Variants in GNAQ observed in about 807,000 individuals in gnomAD.
The protein encoded by GNAQ is G protein subunit alpha q, also known as guanine nucleotide-binding protein G(q) subunit alpha.
Under a neutral mutation model 43.9 loss-of-function variants are expected in GNAQ, and 8 were observed. That is an observed-to-expected ratio of 0.18 (90% CI 0.11 to 0.33). The LOEUF is 0.33. Among genes scored for constraint, GNAQ ranks in the 10% least tolerant of loss-of-function variants. The pLI is 1.00. For synonymous variants in GNAQ, 155 were observed against 170.7 expected (o/e 0.91, Z 0.71); for missense variants, 158 against 450.8 (o/e 0.35, Z 5.88).
At chr9:77,941,660 G>A (rs139555703) in intron 1 of GNAQ, among the ~76,000 whole-genome samples, 1 of 152,264 alleles carries the variant, frequency 6.6e-6, no homozygotes, top group African/African-American at 2.4e-5. Flanking sequence ...GCTATTGGAT[G>A]TGTATTCACA....
Position 77,718,692 on chromosome 9 carries a change from A to G in GNAQ, c.*2631T>C, listed in dbSNP as rs1210315994. 1 of 221,700 alleles carries G rather than the reference A, an allele frequency of 4.5e-6. No individual in the cohort carries two copies. The highest frequency in any genetic ancestry group is 8.7e-6 in the Non-Finnish European group (1 of 114,688). 13.7% of individuals were successfully genotyped at this position (221,700 alleles called of 1,614,324 possible). ...ATGATCTTGTGATGAGGTTTTCTCTATACACACTGTAGGCCTTCAAATGTT... is the reference window on the plus strand; with the variant it reads ...ATGATCTTGTGATGAGGTTTTCTCTGTACACACTGTAGGCCTTCAAATGTT... On this transcript the variant is annotated 3_prime_UTR_variant, in exon 7 of 7. Coordinates refer to ENST00000286548, the MANE Select transcript of GNAQ (RefSeq NM_002072.5).
intron 1 of GNAQ, among the ~76,000 whole-genome samples, chr9:78,015,399 G>A (rs1332901596): frequency 2.6e-5 from 4 of 152,122 alleles, no homozygotes; most frequent in African/African-American, 4.8e-5. Flanking sequence ...ACACATAACT[G>A]TACTTACATA....
At chr9:77,803,963 C>T (rs993137467) in intron 3 of GNAQ, among the ~76,000 whole-genome samples, 7 of 152,158 alleles carry the variant, frequency 4.6e-5, no homozygotes, top group Admixed American at 2.0e-4. Context: ...AGGACATAAT[C>T]CACTACTTTA....
rs1426581898 is a variant in GNAQ at position 77,716,690 on chromosome 9, TAA to T, written c.*4631_*4632del. ...TTTTTCTGTCTACCAAAAGCTTATATAAAAGTCAGAATTTCTTTATCCAAGAT... is the reference window on the plus strand; with the variant it reads ...TTTTTCTGTCTACCAAAAGCTTATATAAGTCAGAATTTCTTTATCCAAGAT... On this transcript the variant is annotated 3_prime_UTR_variant, in exon 7 of 7. Transcript: ENST00000286548. The T allele has an allele frequency of 4.3e-6, 1 of 232,858 alleles. No homozygotes were observed. Among genetic ancestry groups the T allele is most frequent in the Non-Finnish European group, 8.5e-6 (1 of 117,908 alleles). 14.4% of individuals were successfully genotyped at this position (232,858 alleles called of 1,614,324 possible).
rs189872601 is a variant in GNAQ at position 77,900,394 on chromosome 9, C to T, written c.321+21767G>A. On this transcript the variant is annotated intron_variant, in intron 2 of 6. Coordinates refer to ENST00000286548, the MANE Select transcript of GNAQ (RefSeq NM_002072.5). ...AGCTCATCTGGAGATTTTAATTATT[C>T]ATGTTATCAATGTTCTCCATTTTCA... Among the ~76,000 whole-genome samples, 4 of 152,280 alleles carry T rather than the reference C, an allele frequency of 2.6e-5. No individual in the cohort carries two copies. In the East Asian group the frequency reaches 5.8e-4, roughly 22 times the overall value.
intron 2 of GNAQ, among the ~76,000 whole-genome samples, chr9:77,914,097 T>A (rs74572562): frequency 0.01 from 1,563 of 152,238 alleles, 9 homozygotes; most frequent in Non-Finnish European, 0.015. Flanking sequence ...CTGCTATTTT[T>A]ACATGGCCGT....
intron 5 of GNAQ, among the ~76,000 whole-genome samples, chr9:77,774,057 T>G (rs1355022979): frequency 6.6e-6 from 1 of 152,156 alleles, no homozygotes; most frequent in Non-Finnish European, 1.5e-5. Context: ...CTGGTTAAAT[T>G]TGGCCACCAA....
At chr9:77,821,963 G>A (rs982143260) in intron 2 of GNAQ, among the ~76,000 whole-genome samples, 2 of 152,078 alleles carry the variant, frequency 1.3e-5, no homozygotes, top group Non-Finnish European at 2.9e-5. Flanking sequence ...TTAAGTTAAT[G>A]GAAAACTAAG....
At chr9:77,873,443 G>A (rs1024499976) in intron 2 of GNAQ, among the ~76,000 whole-genome samples, 2 of 152,222 alleles carry the variant, frequency 1.3e-5, no homozygotes, top group East Asian at 1.9e-4. Flanking sequence ...ATTTGACCCC[G>A]CATGAAAGCA....
chr9:77,886,946 T>A (rs142099685), intron 2 of GNAQ, among the ~76,000 whole-genome samples: 1,589 of 126,006 alleles, frequency 0.013, 21 homozygotes, highest in African/African-American at 0.04. Context: ...CCATCTCTAC[T>A]AAAGAAATAC....
chr9:77,918,323 A>G (rs964432573), intron 2 of GNAQ, among the ~76,000 whole-genome samples: 2 of 152,184 alleles, frequency 1.3e-5, no homozygotes, highest in African/African-American at 4.8e-5. Context: ...GAGAAGCTTT[A>G]CTAAAAACCA....
intron 1 of GNAQ, among the ~76,000 whole-genome samples, chr9:78,015,138 T>A (rs1346764754): frequency 1.3e-5 from 2 of 152,232 alleles, no homozygotes; most frequent in African/African-American, 4.8e-5. Context: ...CTTTTATTAC[T>A]GAACCTTTTC....
At chr9:77,751,546 G>C (rs1215350709) in intron 5 of GNAQ, among the ~76,000 whole-genome samples, 6 of 152,152 alleles carry the variant, frequency 3.9e-5, no homozygotes, top group Admixed American at 3.9e-4. Flanking sequence ...GGTTAGCCTA[G>C]AAGCGGACAG....
At chr9:77,924,871 C>T (rs1829046114) in intron 1 of GNAQ, among the ~76,000 whole-genome samples, 1 of 152,056 alleles carries the variant, frequency 6.6e-6, no homozygotes, top group African/African-American at 2.4e-5. Flanking sequence ...TGGGTACCCC[C>T]AGGAGGCTGA....
At chr9:77,945,038 G>A (rs1822869740) in intron 1 of GNAQ, among the ~76,000 whole-genome samples, 2 of 152,174 alleles carry the variant, frequency 1.3e-5, no homozygotes, top group African/African-American at 2.4e-5. Flanking sequence ...TTCCTTCTGA[G>A]TCTGTCTTCA....
intron 2 of GNAQ, among the ~76,000 whole-genome samples, chr9:77,849,305 G>T (rs1305997953): frequency 6.6e-6 from 1 of 152,130 alleles, no homozygotes; most frequent in Non-Finnish European, 1.5e-5. Flanking sequence ...CTAAAAAATA[G>T]AAATAATAAG....
At chr9:77,835,411 G>A (rs1827367177) in intron 2 of GNAQ, among the ~76,000 whole-genome samples, 1 of 152,078 alleles carries the variant, frequency 6.6e-6, no homozygotes, top group Non-Finnish European at 1.5e-5. Flanking sequence ...CTAGAAGGGA[G>A]AGGCTAGTGA....
At chr9:77,833,125 C>T (rs1170265174) in intron 2 of GNAQ, among the ~76,000 whole-genome samples, 3 of 152,108 alleles carry the variant, frequency 2.0e-5, no homozygotes, top group Non-Finnish European at 2.9e-5. Context: ...CACCACCACA[C>T]CTGGCTAATT....
chr9:77,836,481 T>C (rs1371947484), intron 2 of GNAQ, among the ~76,000 whole-genome samples: 1 of 152,026 alleles, frequency 6.6e-6, no homozygotes, highest in Non-Finnish European at 1.5e-5. Context: ...TCTTTTAAAT[T>C]ATACACCAAA....
Sources: allele counts gnomAD v4.1 joint callset (sites outside exome capture counted in the v4.1 genomes callset), GRCh38; gene constraint gnomAD v4.1.1; transcripts MANE v1.5; gene names NCBI Gene and HGNC (gene_info 2026-07-23, HGNC 2026-07-21).